The following GIGYF2 variants were observed in gnomAD, a reference collection of about 807,000 sequenced individuals.
GIGYF2 encodes GRB10 interacting GYF protein 2.
In GIGYF2, 25 loss-of-function variants were observed where a neutral mutation model predicts 208.1. That is an observed-to-expected ratio of 0.12 (90% CI 0.09 to 0.17). GIGYF2 has a LOEUF of 0.17. Among genes scored for constraint, GIGYF2 ranks in the 10% least tolerant of loss-of-function variants. The pLI is 1.00. For synonymous variants in GIGYF2, 534 were observed against 543.8 expected (o/e 0.98, Z 0.25); for missense variants, 1,302 against 1,579.4 (o/e 0.82, Z 2.98).
intron 5 of GIGYF2, among the ~76,000 whole-genome samples, chr2:232,750,731 C>G (rs1292385519): frequency 2.0e-5 from 3 of 147,286 alleles, no homozygotes; most frequent in East Asian, 4.0e-4. Context: ...TATATGAGCT[C>G]TGTGTGTGTG....
At chr2:232,735,614 G>C (rs2106296862) in intron 3 of GIGYF2, 2 of 601,542 alleles carry the variant, frequency 3.3e-6, no homozygotes, top group Non-Finnish European at 4.3e-6. Flanking sequence ...TTCATAGATT[G>C]ATTTGAGAAA....
At chr2:232,811,477 T>C in intron 17 of GIGYF2, 126 bp downstream of exon 17, 1 of 696,118 alleles carries the variant, frequency 1.4e-6, no homozygotes. Context: ...TACCTGCATG[T>C]TGTATGTAAA....
chr2:232,836,398 A>AT lies in GIGYF2; in HGVS notation c.2766+3305_2766+3306insT, dbSNP rs1491342807. ...TATAAATATAAATATATATAAATAT[A>AT]AATATATATATAAATAAATTATTCA... On this transcript the variant is annotated intron_variant, in intron 22 of 28. Coordinates refer to ENST00000373563, the MANE Select transcript of GIGYF2 (RefSeq NM_001103146.3). 7.6e-4 allele frequency among the ~76,000 whole-genome samples: 68 copies of AT among 89,670 alleles called. 8 individuals are homozygous for AT. Among genetic ancestry groups the AT allele is most frequent in the Middle Eastern group, 4.6e-3 (1 of 216 alleles). 58.8% of individuals were successfully genotyped at this position (89,670 alleles called of 152,430 possible). A position where few individuals can be genotyped will look rare whatever the true frequency, so the allele number is the denominator to read the frequency against.
chr2:232,794,424 G>A (rs920304893), intron 12 of GIGYF2, among the ~76,000 whole-genome samples: 1 of 152,164 alleles, frequency 6.6e-6, no homozygotes, highest in Non-Finnish European at 1.5e-5. Context: ...TTTACAATTG[G>A]AGACATGTTA....
chr2:232,800,123 T>A (rs1032811881), intron 14 of GIGYF2, among the ~76,000 whole-genome samples: 8 of 151,982 alleles, frequency 5.3e-5, no homozygotes, highest in African/African-American at 1.7e-4. Flanking sequence ...TTTTTTTTTT[T>A]AATTTTCAAG....
At chr2:232,815,527 G>C (rs904003644) in intron 18 of GIGYF2, 110 bp from the exon 19 acceptor site, 14 of 721,298 alleles carry the variant, frequency 1.9e-5, no homozygotes, top group Non-Finnish European at 2.6e-5. Flanking sequence ...AGATGTGTTT[G>C]GTGGAGCTCA....
intron 2 of GIGYF2, among the ~76,000 whole-genome samples, chr2:232,723,213 G>A (rs1397971335): frequency 6.6e-6 from 1 of 152,122 alleles, no homozygotes; most frequent in Non-Finnish European, 1.5e-5. Context: ...CTGGTTACAA[G>A]TAGATAGGAG....
chr2:232,777,552 T>G (rs1699564274), intron 8 of GIGYF2, among the ~76,000 whole-genome samples: 1 of 152,112 alleles, frequency 6.6e-6, no homozygotes, highest in African/African-American at 2.4e-5. Context: ...GGAAAATTAT[T>G]AATGTAGACC....
At chr2:232,778,987 C>CT (rs1327760695) in intron 8 of GIGYF2, among the ~76,000 whole-genome samples, 2 of 152,120 alleles carry the variant, frequency 1.3e-5, no homozygotes, top group African/African-American at 4.8e-5. Flanking sequence ...GAGAAGGCCC[C>CT]TCCCTGTGCT....
chr2:232,753,825 T>A (rs947928595), intron 5 of GIGYF2, among the ~76,000 whole-genome samples: 2 of 152,162 alleles, frequency 1.3e-5, no homozygotes. Context: ...TATATTAGGT[T>A]GACCATAGGA....
chr2:232,830,818 A>G (rs77865310), intron 21 of GIGYF2, among the ~76,000 whole-genome samples: 1 of 20,216 alleles, frequency 4.9e-5, no homozygotes, highest in Non-Finnish European at 1.0e-4. Context: ...CTGTCTCTAC[A>G]AAAAAAAAAT....
chr2:232,777,764 T>C (rs1699573987), intron 8 of GIGYF2, among the ~76,000 whole-genome samples: 3 of 152,110 alleles, frequency 2.0e-5, no homozygotes, highest in African/African-American at 7.2e-5. Flanking sequence ...TGTGGTGTGA[T>C]GCTCATTCCC....
At chr2:232,757,813 A>G (rs567247370) in intron 6 of GIGYF2, among the ~76,000 whole-genome samples, 1 of 131,452 alleles carries the variant, frequency 7.6e-6, no homozygotes, top group East Asian at 2.4e-4. Context: ...CAAGTGAATG[A>G]TTGAATTTCT....
At chr2:232,706,813 A>C (rs2106248377) in intron 2 of GIGYF2, among the ~76,000 whole-genome samples, 1 of 151,974 alleles carries the variant, frequency 6.6e-6, no homozygotes, top group East Asian at 1.9e-4. Context: ...ATAAATAATT[A>C]GCTCGGTGTG....
At chr2:232,798,285 T>C (rs1700287382) in intron 14 of GIGYF2, among the ~76,000 whole-genome samples, 1 of 152,226 alleles carries the variant, frequency 6.6e-6, no homozygotes, top group African/African-American at 2.4e-5. Context: ...ATGAATGTTA[T>C]CAAAGTTTGT....
chr2:232,728,365 T>G (rs1697303594), intron 2 of GIGYF2, among the ~76,000 whole-genome samples: 1 of 152,152 alleles, frequency 6.6e-6, no homozygotes, highest in Non-Finnish European at 1.5e-5. Context: ...TGAGGCCCAG[T>G]CAGGGAAGCA....
intron 21 of GIGYF2, among the ~76,000 whole-genome samples, chr2:232,830,652 C>T (rs1278268758): frequency 6.6e-6 from 1 of 151,986 alleles, no homozygotes; most frequent in Non-Finnish European, 1.5e-5. Context: ...TAAAGCTTTT[C>T]CCTAATGTCC....
At chr2:232,784,827 G>A (rs544123670) in intron 8 of GIGYF2, among the ~76,000 whole-genome samples, 4 of 152,184 alleles carry the variant, frequency 2.6e-5, no homozygotes, top group Admixed American at 6.5e-5. Context: ...AAATGTGATC[G>A]CCAGTGTTGG....
At chr2:232,815,394 G>A (rs577386946) in intron 18 of GIGYF2, among the ~76,000 whole-genome samples, 2 of 152,250 alleles carry the variant, frequency 1.3e-5, no homozygotes, top group Admixed American at 1.3e-4. Flanking sequence ...ACATTATAGG[G>A]CTTTGTAAGG....
Sources: allele counts gnomAD v4.1 joint callset (sites outside exome capture counted in the v4.1 genomes callset), GRCh38; gene constraint gnomAD v4.1.1; transcripts MANE v1.5; gene names NCBI Gene and HGNC (gene_info 2026-07-23, HGNC 2026-07-21).